The following EZH1 variants were observed in gnomAD, a reference collection of about 807,000 sequenced individuals.
EZH1 encodes the protein enhancer of zeste 1 polycomb repressive complex 2 subunit.
In EZH1, 33 loss-of-function variants were observed where a neutral mutation model predicts 100.5. The observed-to-expected ratio is 0.33, with a 90% CI of 0.25 to 0.44. The LOEUF (loss-of-function observed/expected upper bound fraction) is 0.44. Ranked by LOEUF, EZH1 falls within the 20% of genes least tolerant of loss-of-function variation. The pLI is 1.00. For missense variants in EZH1, 475 were observed against 928.4 expected (o/e 0.51, Z 6.35); for synonymous variants, 272 against 313.8 (o/e 0.87, Z 1.41).
chr17:42,712,513 G>A, intron 11 of EZH1, 28 bp from the exon 12 acceptor site: 1 of 1,599,122 alleles, frequency 6.3e-7, no homozygotes, highest in Non-Finnish European at 8.5e-7. Flanking sequence ...AACAGAATCA[G>A]AAGAAGGTAG....
chr17:42,745,015 C>A lies in EZH1; in HGVS notation c.-107G>T, dbSNP rs796550522. ...CAGGCTTGTTTACTCACTCACCCTC[C>A]ATCCCGAGCCGCGGGTCCCGCTGCT... is the stretch of plus-strand genomic sequence containing the variant. On this transcript the variant is annotated 5_prime_UTR_variant, in exon 1 of 21. It removes an upstream start codon present in the reference 5' UTR. Transcript: ENST00000428826. 7.1e-6 allele frequency: 9 copies of A among 1,273,086 alleles called. No homozygotes were observed. The African/African-American group carries it at 1.3e-4, about 18-fold the overall frequency. 78.9% of individuals were successfully genotyped at this position (1,273,086 alleles called of 1,614,324 possible).
intron 12 of EZH1, among the ~76,000 whole-genome samples, chr17:42,711,645 C>CAAA (rs34631785): frequency 2.1e-4 from 29 of 139,416 alleles, no homozygotes; most frequent in African/African-American, 5.8e-4. Flanking sequence ...GATTCTGTCT[C>CAAA]AAAAAAAAAA....
At chr17:42,729,418 C>CAAAACAAA (rs1186957095) in intron 2 of EZH1, among the ~76,000 whole-genome samples, 1 of 151,708 alleles carries the variant, frequency 6.6e-6, no homozygotes, top group Admixed American at 6.6e-5. Context: ...AAAAACAAAA[C>CAAAACAAA]AAAACAAAAA....
intron 7 of EZH1, 35 bp downstream of exon 7, chr17:42,720,238 T>C: frequency 1.3e-6 from 2 of 1,587,368 alleles, no homozygotes; most frequent in Non-Finnish European, 1.7e-6. Flanking sequence ...TCCCTGTCAC[T>C]TTAAAAAAGG....
intron 20 of EZH1, 97 bp downstream of exon 20, chr17:42,702,780 C>T: frequency 7.3e-6 from 10 of 1,368,088 alleles, no homozygotes; most frequent in African/African-American, 1.4e-5. Flanking sequence ...ACTCTCTCCT[C>T]CATCTCCATT....
At chr17:42,738,462 T>A (rs1024435522) in intron 1 of EZH1, among the ~76,000 whole-genome samples, 1 of 151,920 alleles carries the variant, frequency 6.6e-6, no homozygotes, top group Non-Finnish European at 1.5e-5. Flanking sequence ...TTTATTATTA[T>A]TTTTTGAGAC....
intron 19 of EZH1, 155 bp from the exon 20 acceptor site, chr17:42,703,116 ATC>A (rs2053278405): frequency 1.5e-6 from 1 of 653,158 alleles, no homozygotes; most frequent in Non-Finnish European, 2.7e-6. Flanking sequence ...ATGCTTTTAG[ATC>A]TGTTATTATG....
rs1271095450 is a variant in EZH1 at position 42,701,164 on chromosome 17, C to T, written c.*1368G>A. ...TGTGAAACTCACTCGTCTGCCTCTC[C>T]CAGGAGATGAGACAGGACTGGAGGA... On this transcript the variant is annotated 3_prime_UTR_variant, in exon 21 of 21. Coordinates refer to ENST00000428826, the MANE Select transcript of EZH1 (RefSeq NM_001991.5). 6.5e-6 allele frequency: 1 copy of T among 152,884 alleles called. No homozygotes were observed. The highest frequency in any genetic ancestry group is 1.9e-4 in the East Asian group (1 of 5,318). 9.5% of individuals were successfully genotyped at this position (152,884 alleles called of 1,614,324 possible). A position where few individuals can be genotyped will look rare whatever the true frequency, so the allele number is the denominator to read the frequency against.
chr17:42,704,771 C>T, intron 17 of EZH1, 88 bp from the exon 18 acceptor site: 2 of 974,676 alleles, frequency 2.1e-6, no homozygotes, highest in Non-Finnish European at 3.2e-6. Context: ...TGGGTGGTAT[C>T]TCACATGGGT....
chr17:42,707,351 C>T (rs1039730622), intron 15 of EZH1, among the ~76,000 whole-genome samples: 2 of 152,094 alleles, frequency 1.3e-5, no homozygotes, highest in African/African-American at 4.8e-5. Context: ...AGCCTCTGCC[C>T]TCTGGGTTCA....
At chr17:42,714,676 TG>T in intron 10 of EZH1, 1 of 249,956 alleles carries the variant, frequency 4.0e-6, no homozygotes. Context: ...GTAATAAAAA[TG>T]AAAAAAAAAT....
At chr17:42,744,947 C>G (rs1376039773) in intron 1 of EZH1, 64 bp downstream of exon 1, 9 of 1,252,964 alleles carry the variant, frequency 7.2e-6, no homozygotes, top group Admixed American at 2.6e-5. Context: ...CTCCCTCAGG[C>G]CCAGGGCGGC....
chr17:42,742,816 TATAG>T (rs2054200875), intron 1 of EZH1, among the ~76,000 whole-genome samples: 1 of 152,198 alleles, frequency 6.6e-6, no homozygotes, highest in South Asian at 2.1e-4. Context: ...ATTACAGTTT[TATAG>T]ATAGTCCTTT....
intron 1 of EZH1, chr17:42,732,014 T>C (rs1031851571): frequency 1.3e-5 from 2 of 152,102 alleles, no homozygotes; most frequent in Admixed American, 6.6e-5. Flanking sequence ...ATTTATTTTT[T>C]TCGCTGAGGT....
Position 42,718,655 on chromosome 17 carries a change from A to G in EZH1, c.768-38T>C. 6.2e-7 allele frequency: 1 copy of G among 1,607,498 alleles called. No homozygotes were observed. The highest frequency in any genetic ancestry group is 8.5e-7 in the Non-Finnish European group (1 of 1,175,446). ...AGAGAGATAAGAGTTCCTCCGAGGA[A>G]CTGCCTCCACTGAGGAAATACAGAT... On this transcript the variant is annotated intron_variant, in intron 8 of 20. Coordinates refer to ENST00000428826, the MANE Select transcript of EZH1 (RefSeq NM_001991.5). This position sits in a 1 kb window ranked among gnomAD's most constrained non-coding sequence, Gnocchi z 4.2.
Position 42,705,950 on chromosome 17 carries a change from C to T in EZH1, c.1839+57G>A, listed in dbSNP as rs928987962. ...CCAGTGGAAAGAGAATGCTTGGGACCGTTCCTTCCTTCCCCCTCCATTTTA... is the reference window on the plus strand; with the variant it reads ...CCAGTGGAAAGAGAATGCTTGGGACTGTTCCTTCCTTCCCCCTCCATTTTA... On this transcript the variant is annotated intron_variant, in intron 16 of 20. Coordinates refer to ENST00000428826, the MANE Select transcript of EZH1 (RefSeq NM_001991.5). The T allele has an allele frequency of 1.3e-4, 186 of 1,485,112 alleles. 1 individual carries two copies. Among genetic ancestry groups the T allele is most frequent in the Admixed American group, 7.0e-4 (32 of 45,658 alleles). The allele number at this position is 1,485,112 out of a possible 1,614,324, so 92.0% of individuals were successfully genotyped here. A position where few individuals can be genotyped will look rare whatever the true frequency, so the allele number is the denominator to read the frequency against.
At position 42,700,712 on chromosome 17, in the gene EZH1, A is replaced by T. The variant is rs537980619; in HGVS notation, c.*1820T>A. The T allele has an allele frequency of 6.6e-6, 1 of 152,516 alleles. No individual in the cohort carries two copies. The highest frequency in any genetic ancestry group is 1.5e-5 in the Non-Finnish European group (1 of 68,062). The allele number at this position is 152,516 out of a possible 1,614,324, so 9.4% of individuals were successfully genotyped here. A position where few individuals can be genotyped will look rare whatever the true frequency, so the allele number is the denominator to read the frequency against. ...ACAGTCCAGCTTGAGGGTATCCCTG[A>T]TATGCACAATGAATACAAACCACGG... On this transcript the variant is annotated 3_prime_UTR_variant, in exon 21 of 21. Coordinates refer to ENST00000428826, the MANE Select transcript of EZH1 (RefSeq NM_001991.5).
intron 14 of EZH1, 74 bp downstream of exon 14, chr17:42,708,802 G>A: frequency 6.7e-7 from 1 of 1,502,118 alleles, no homozygotes; most frequent in Admixed American, 1.7e-5. Flanking sequence ...AGTGCAGCTG[G>A]AGGTGGGGTA....
Position 42,706,297 on chromosome 17 carries a change from C to T in EZH1, c.1661-112G>A. On this transcript the variant is annotated intron_variant, in intron 15 of 20. Coordinates refer to ENST00000428826, the MANE Select transcript of EZH1 (RefSeq NM_001991.5). This position sits in a 1 kb window ranked among gnomAD's most constrained non-coding sequence, Gnocchi z 4.4. ...ATTTTTTGTGTTCAAGGATGTTTGG[C>T]AAAATAAGAGGAAGCTCCCTTCCCA... 1.0e-6 allele frequency: 1 copy of T among 962,868 alleles called. No individual in the cohort carries two copies. The highest frequency in any genetic ancestry group is 1.4e-6 in the Non-Finnish European group (1 of 690,452). The allele number at this position is 962,868 out of a possible 1,614,324, so 59.6% of individuals were successfully genotyped here.
Sources: allele counts gnomAD v4.1 joint callset (sites outside exome capture counted in the v4.1 genomes callset), GRCh38; gene constraint gnomAD v4.1.1; non-coding constraint Gnocchi (gnomAD v3.1); transcripts MANE v1.5; gene names NCBI Gene and HGNC (gene_info 2026-07-23, HGNC 2026-07-21).